The following PYGB variants were observed in gnomAD, a reference collection of about 807,000 sequenced individuals.
The protein encoded by PYGB is glycogen phosphorylase, brain form.
A neutral mutation model predicts 94.3 loss-of-function variants in PYGB; 82 were observed. The ratio of observed to expected loss-of-function variants is 0.87; its 90% CI spans 0.73 to 1.04. The LOEUF (loss-of-function observed/expected upper bound fraction) is 1.04, where lower values mean the gene tolerates loss of function less well. Among genes scored for constraint, PYGB ranks in the 50% least tolerant of loss-of-function variants. PYGB has a pLI of 0.00. For synonymous variants in PYGB, 488 were observed against 479.1 expected, an observed-to-expected ratio of 1.02 and a Z score of -0.24; for missense variants, 1,132 against 1,158.2, an observed-to-expected ratio of 0.98 and a Z score of 0.33.
At chr20:25,295,307 C>A (rs577583780) in intron 18 of PYGB, among the ~76,000 whole-genome samples, 1 of 152,388 alleles carries the variant, frequency 6.6e-6, no homozygotes, top group Non-Finnish European at 1.5e-5. Context: ...ATGTGCAGCT[C>A]TAACTGCCCT....
intron 5 of PYGB, among the ~76,000 whole-genome samples, chr20:25,276,222 G>A (rs1224775025): frequency 2.0e-5 from 3 of 152,300 alleles, no homozygotes; most frequent in Admixed American, 1.3e-4. Context: ...GAGGTGATCT[G>A]CGGGGCAAGC....
chr20:25,268,390 T>C (rs778649783), intron 2 of PYGB, among the ~76,000 whole-genome samples: 68 of 110,006 alleles, frequency 6.2e-4, no homozygotes, highest in Admixed American at 3.0e-3. Flanking sequence ...AAAAATGTCC[T>C]TTTTTTTTTT....
rs773753454 is a variant in PYGB, at chr20:25,259,568, G to A, written c.345+230G>A. Among the ~76,000 whole-genome samples, 102 of 152,312 alleles carry A rather than the reference G, an allele frequency of 6.7e-4. 2 individuals are homozygous for A. The highest frequency in any genetic ancestry group is 3.4e-3 in the Middle Eastern group (1 of 294). On this transcript the variant is annotated intron_variant, in intron 2 of 19. Transcript: ENST00000216962. ...GACCGCAAGCGTGGGGTTGAATTGG[G>A]ATGCGAAGGTGTGGAGGTTCTAGAG...
In PYGB at chr20:25,282,052, C is replaced by G; in HGVS notation, c.1423C>G (p.Leu475Val). 6.2e-7 allele frequency: 1 copy of G among 1,613,758 alleles called. No individual in the cohort carries two copies. ...KQSVFKDFYE[L>V]EPEKFQNKTN... ...TTGCAGCTTTAAGGATTTTTATGAA[C>G]TGGAGCCAGAGAAGTTCCAGAATAA... Residue 475 changes from leucine to valine, a missense_variant, in exon 12 of 20, where the codon CTG becomes GTG. Physicochemically the swap from Leu to Val is conservative, Grantham distance 32 (BLOSUM62 1). Coordinates refer to ENST00000216962, the MANE Select transcript of PYGB (RefSeq NM_002862.4).
chr20:25,271,237 G>T, intron 3 of PYGB, 146 bp from the exon 4 acceptor site: 3 of 702,136 alleles, frequency 4.3e-6, no homozygotes, highest in South Asian at 3.4e-5. Flanking sequence ...TCATGGAGAG[G>T]CTGAGGGCTC....
intron 18 of PYGB, chr20:25,294,650 G>A (rs2088511599): frequency 3.6e-6 from 2 of 559,930 alleles, no homozygotes; most frequent in East Asian, 3.2e-5. Context: ...ACTCCCTGGG[G>A]TGGGGTAGGG....
At position 25,284,248 on chromosome 20, in the gene PYGB, A is replaced by T. The variant is rs1568695776; in HGVS notation, c.1765A>T (p.Asn589Tyr). 2 of 1,613,186 alleles carry T rather than the reference A, an allele frequency of 1.2e-6. No individual in the cohort carries two copies. Among genetic ancestry groups the T allele is most frequent in the African/African-American group, 1.3e-5 (1 of 75,044 alleles). Residue 589 changes from asparagine to tyrosine, a missense_variant, in exon 14 of 20, where the codon AAT becomes TAT. Physicochemically the swap from Asn to Tyr is moderately radical, Grantham distance 143 (BLOSUM62 -2). Transcript: ENST00000216962. ...LNCLHVVTLY[N>Y]RIKRDPAKAF... ...CTGCCTGCACGTCGTCACCCTGTACAATCGTGAGTGCCGGCATCACCTGCA... is the reference window on the plus strand; with the variant it reads ...CTGCCTGCACGTCGTCACCCTGTACTATCGTGAGTGCCGGCATCACCTGCA...
At chr20:25,271,577 C>A in intron 4 of PYGB, 91 bp downstream of exon 4, 1 of 1,393,168 alleles carries the variant, frequency 7.2e-7, no homozygotes, top group Non-Finnish European at 1.0e-6. Flanking sequence ...ATACTTCCCA[C>A]GCCCCCGCCA....
chr20:25,286,407 G>GC (rs965692814), intron 14 of PYGB, among the ~76,000 whole-genome samples: 2 of 152,052 alleles, frequency 1.3e-5, no homozygotes, highest in Non-Finnish European at 2.9e-5. Flanking sequence ...TCTGCTCTCT[G>GC]CCCCCCTCCC....
intron 10 of PYGB, 141 bp downstream of exon 10, chr20:25,280,553 G>A: frequency 8.2e-7 from 1 of 1,222,270 alleles, no homozygotes; most frequent in Non-Finnish European, 1.1e-6. Flanking sequence ...GCTGGGGGCT[G>A]TCCCTTGGCA....
Position 25,278,320 on chromosome 20 carries a change from T to G in PYGB, c.857T>G (p.Phe286Cys). ...ISRVLYPNDN[F>C]FEGKELRLKQ... ...TCCAGCTTGCTCTGCTGTGTGCAGTTCTTTGAGGGGAAGGAGCTGCGGCTG... is the reference window on the plus strand; with the variant it reads ...TCCAGCTTGCTCTGCTGTGTGCAGTGCTTTGAGGGGAAGGAGCTGCGGCTG... Residue 286 changes from phenylalanine (F) to cysteine (C), a missense_variant and splice_region_variant, in exon 8 of 20, where the codon TTC becomes TGC. Coordinates refer to ENST00000216962, the MANE Select transcript of PYGB (RefSeq NM_002862.4). 6.8e-7 allele frequency: 1 copy of G among 1,470,792 alleles called. No individual in the cohort carries two copies. The highest frequency in any genetic ancestry group is 1.2e-5 in the South Asian group (1 of 84,006). The allele number at this position is 1,470,792 out of a possible 1,614,324, so 91.1% of individuals were successfully genotyped here.
At chr20:25,264,973 A>G (rs532247920) in intron 2 of PYGB, among the ~76,000 whole-genome samples, 2 of 152,306 alleles carry the variant, frequency 1.3e-5, no homozygotes, top group East Asian at 3.9e-4. Context: ...CGCCAAGACA[A>G]TCCTAAGCCA....
chr20:25,278,457 G>A lies in PYGB; in HGVS notation c.994G>A (p.Asp332Asn). ...GAGAACCTGTTTCGAGACGTTCCCA[G>A]ACAAGGTGCATGGTGGCCCTGGGAG... ...PVRTCFETFP[D>N]KVAIQLNDTH... Residue 332 changes from aspartate to asparagine, a missense_variant, in exon 8 of 20, where the codon GAC becomes AAC. Transcript: ENST00000216962. 1.2e-6 allele frequency: 2 copies of A among 1,614,146 alleles called. No homozygotes were observed. The highest frequency in any genetic ancestry group is 1.7e-6 in the Non-Finnish European group (2 of 1,179,992).
Position 25,272,293 on chromosome 20 carries a change from G to A in PYGB, c.528+807G>A, listed in dbSNP as rs763605066. ...CAACCCCAATGAATGTGTGCATGAC[G>A]GGTAGTAGAGATATCCTTGGGGTGG... On this transcript the variant is annotated intron_variant, in intron 4 of 19. Transcript: ENST00000216962. 6.6e-5 allele frequency among the ~76,000 whole-genome samples: 10 copies of A among 152,336 alleles called. No homozygotes were observed. In the South Asian group the frequency reaches 1.0e-3, roughly 16 times the overall value.
chr20:25,293,772 A>G (rs756746342), intron 17 of PYGB: 27 of 290,024 alleles, frequency 9.3e-5, no homozygotes, highest in Non-Finnish European at 1.5e-4. Context: ...AAGGTGCTCC[A>G]TTTCACTTCC....
chr20:25,291,849 A>G (rs1348488713), intron 16 of PYGB, among the ~76,000 whole-genome samples: 2 of 152,084 alleles, frequency 1.3e-5, no homozygotes, highest in Admixed American at 6.5e-5. Context: ...CAGGTTGTAT[A>G]GTCAGTGTGT....
chr20:25,259,177 G>GT, intron 1 of PYGB, 60 bp from the exon 2 acceptor site: 1 of 1,434,176 alleles, frequency 7.0e-7, no homozygotes, highest in South Asian at 1.2e-5. Flanking sequence ...TGTCATCTCT[G>GT]TAACCTTCCT....
chr20:25,296,295 A>C, intron 19 of PYGB, 75 bp from the exon 20 acceptor site: 2 of 1,561,314 alleles, frequency 1.3e-6, no homozygotes, highest in Non-Finnish European at 1.8e-6. Context: ...ACAGTCCTAA[A>C]GTTCTGGAAT....
At chr20:25,251,968 C>G (rs3787080) in intron 1 of PYGB, among the ~76,000 whole-genome samples, 35,301 of 152,142 alleles carry the variant, frequency 0.23, 4,583 homozygotes, top group East Asian at 0.58. Context: ...TTTTGCAGAC[C>G]CTTCTGCTCT....
Sources: gnomAD v4.1 joint callset for allele counts (sites outside exome capture counted in the v4.1 genomes callset) on GRCh38, gnomAD v4.1.1 for gene constraint, MANE v1.5 for transcripts, NCBI Gene and HGNC (gene_info 2026-07-23, HGNC 2026-07-21) for gene names.